Variants in SORCS3 observed in about 807,000 individuals in gnomAD.
The protein encoded by SORCS3 is VPS10 domain-containing receptor SorCS3.
A neutral mutation model predicts 146.3 loss-of-function variants in SORCS3; 57 were observed. That is an observed-to-expected ratio of 0.39 (90% CI 0.31 to 0.49). The LOEUF (loss-of-function observed/expected upper bound fraction) is 0.49. Ranked by LOEUF, SORCS3 falls within the 20% of genes least tolerant of loss-of-function variation. The pLI, the probability that SORCS3 is intolerant of heterozygous loss-of-function variation, is 0.92. For synonymous variants in SORCS3, 653 were observed against 618.5 expected (o/e 1.06, Z -0.83); for missense variants, 1,341 against 1,575.5 (o/e 0.85, Z 2.52).
intron 2 of SORCS3, among the ~76,000 whole-genome samples, chr10:104,904,787 TTA>T (rs113312578): frequency 0.34 from 51,526 of 150,372 alleles, 10,997 homozygotes; most frequent in African/African-American, 0.62. Flanking sequence ...TTGTGCGTTA[TTA>T]TTTTTTTTTT....
At chr10:104,861,727 C>T (rs143023607) in intron 2 of SORCS3, among the ~76,000 whole-genome samples, 3 of 152,266 alleles carry the variant, frequency 2.0e-5, no homozygotes, top group Middle Eastern at 6.8e-3. Flanking sequence ...TCAGGGAGGA[C>T]GTTCCCAGGG....
intron 5 of SORCS3, among the ~76,000 whole-genome samples, chr10:105,086,412 C>T (rs2055660952): frequency 1.3e-5 from 2 of 150,192 alleles, no homozygotes; most frequent in African/African-American, 4.9e-5. Context: ...TCTGGGTTCT[C>T]TAGAAGTATA....
chr10:105,099,779 A>G (rs811004), intron 6 of SORCS3, among the ~76,000 whole-genome samples: 24,148 of 152,116 alleles, frequency 0.16, 2,096 homozygotes, highest in Middle Eastern at 0.2. Context: ...AAAGAAGGCT[A>G]AGGGCGTCAG....
intron 3 of SORCS3, among the ~76,000 whole-genome samples, chr10:104,923,696 A>C (rs2019110445): frequency 6.6e-6 from 1 of 151,696 alleles, no homozygotes. Flanking sequence ...GCTGTACCAC[A>C]CTCCCTCCTT....
chr10:104,997,811 T>C (rs1300445742), intron 4 of SORCS3, among the ~76,000 whole-genome samples: 1 of 152,166 alleles, frequency 6.6e-6, no homozygotes, highest in East Asian at 1.9e-4. Context: ...TTGATGGATT[T>C]AAATAATTGT....
intron 7 of SORCS3, among the ~76,000 whole-genome samples, chr10:105,135,341 GT>G (rs1190816345): frequency 1.3e-5 from 2 of 152,066 alleles, no homozygotes; most frequent in African/African-American, 4.8e-5. Context: ...CCTTCAAATT[GT>G]TTTCCCCTCA....
At chr10:105,097,124 C>T (rs987590787) in intron 6 of SORCS3, among the ~76,000 whole-genome samples, 3 of 152,270 alleles carry the variant, frequency 2.0e-5, no homozygotes, top group Admixed American at 1.3e-4. Flanking sequence ...CTGACTTTGA[C>T]GCTGACTCCA....
At chr10:105,187,034 C>T (rs925968089) in intron 14 of SORCS3, among the ~76,000 whole-genome samples, 1 of 152,164 alleles carries the variant, frequency 6.6e-6, no homozygotes, top group Admixed American at 6.5e-5. Context: ...CATTTTCTCA[C>T]CCACAGTTAT....
intron 26 of SORCS3, among the ~76,000 whole-genome samples, chr10:105,262,788 G>GTCCTTACTAAT (rs1323945997): frequency 6.6e-6 from 1 of 152,286 alleles, no homozygotes; most frequent in South Asian, 2.1e-4. Context: ...AGTATTATAT[G>GTCCTTACTAAT]TCCTTACTAA....
intron 2 of SORCS3, among the ~76,000 whole-genome samples, chr10:104,906,172 A>G (rs535502545): frequency 1.2e-4 from 19 of 152,336 alleles, no homozygotes; most frequent in African/African-American, 4.6e-4. Context: ...TTAGACAGTG[A>G]TGCCTTGCTA....
intron 20 of SORCS3, among the ~76,000 whole-genome samples, chr10:105,236,931 A>AATCT (rs757765798): frequency 1.3e-3 from 198 of 152,152 alleles, no homozygotes; most frequent in Non-Finnish European, 2.5e-3. Flanking sequence ...TCAAGCAATC[A>AATCT]ATCTATCTAT....
intron 1 of SORCS3, among the ~76,000 whole-genome samples, chr10:104,742,579 C>T (rs1170661232): frequency 6.6e-6 from 1 of 152,090 alleles, no homozygotes; most frequent in East Asian, 1.9e-4. Context: ...TGATGCAGGC[C>T]CAAATTTGGG....
Position 104,773,364 on chromosome 10 carries a change from G to A in SORCS3, c.628-69428G>A, listed in dbSNP as rs115715377. On this transcript the variant is annotated intron_variant, in intron 1 of 26. Coordinates refer to ENST00000369701, the MANE Select transcript of SORCS3 (RefSeq NM_014978.3). Reference sequence around the variant, plus strand: ...TCATTCCCAGCTGCAGTGGTATGCTGTTGCCTAGTGACTTTTAGAGCTGAT... The same window carrying A: ...TCATTCCCAGCTGCAGTGGTATGCTATTGCCTAGTGACTTTTAGAGCTGAT... Among the ~76,000 whole-genome samples, 363 of 152,330 alleles carry A rather than the reference G, an allele frequency of 2.4e-3. 3 individuals carry two copies. Among genetic ancestry groups the A allele is most frequent in the African/African-American group, 8.3e-3 (344 of 41,570 alleles).
intron 20 of SORCS3, among the ~76,000 whole-genome samples, chr10:105,242,715 T>C (rs1333175874): frequency 9.6e-6 from 1 of 104,648 alleles, no homozygotes; most frequent in Non-Finnish European, 1.7e-5. Context: ...TATTTATATA[T>C]TTATATACAT....
At chr10:104,994,650 A>AT (rs1222715940) in intron 4 of SORCS3, among the ~76,000 whole-genome samples, 2 of 152,154 alleles carry the variant, frequency 1.3e-5, no homozygotes, top group Non-Finnish European at 2.9e-5. Context: ...GGTACTCTTT[A>AT]TATCACTAGA....
intron 1 of SORCS3, among the ~76,000 whole-genome samples, chr10:104,779,030 G>C (rs2017343514): frequency 1.3e-5 from 2 of 152,198 alleles, no homozygotes; most frequent in African/African-American, 4.8e-5. Flanking sequence ...GGGGAGGCAA[G>C]TGATGAGAGG....
rs1404001214 is a variant in SORCS3 at position 105,245,685 on chromosome 10, C to T, written c.2992+20C>T. The stretch of plus-strand genomic sequence containing the variant: ...TTCATGGTAAGCCCTGAAAATTGTT[C>T]TGTGATGCTCCTTCCCGCTCAGTTA... On this transcript the variant is annotated intron_variant, in intron 21 of 26. Coordinates refer to ENST00000369701, the MANE Select transcript of SORCS3 (RefSeq NM_014978.3). 3.1e-6 allele frequency: 5 copies of T among 1,612,886 alleles called. No individual in the cohort carries two copies. The highest frequency in any genetic ancestry group is 1.7e-6 in the Non-Finnish European group (2 of 1,179,356).
At chr10:104,819,373 T>G (rs1409167235) in intron 1 of SORCS3, among the ~76,000 whole-genome samples, 1 of 152,176 alleles carries the variant, frequency 6.6e-6, no homozygotes, top group African/African-American at 2.4e-5. Flanking sequence ...TGTATCTGTT[T>G]GTCTGTCTAT....
At chr10:104,654,025 G>A (rs1431564689) in intron 1 of SORCS3, among the ~76,000 whole-genome samples, 2 of 151,832 alleles carry the variant, frequency 1.3e-5, no homozygotes, top group African/African-American at 4.8e-5. Context: ...TTCATTTTTA[G>A]ACGCCACAAA....
Sources: allele counts gnomAD v4.1 joint callset (sites outside exome capture counted in the v4.1 genomes callset), GRCh38; gene constraint gnomAD v4.1.1; transcripts MANE v1.5; gene names NCBI Gene and HGNC (gene_info 2026-07-23, HGNC 2026-07-21).